VPS50: variants seen among roughly 807,000 people sequenced by gnomAD.
The protein encoded by VPS50 is VPS50 subunit of EARP/GARPII complex, also known as syndetin.
A neutral mutation model predicts 139.7 loss-of-function variants in VPS50; 70 were observed. That is an observed-to-expected ratio of 0.50 (90% CI 0.41 to 0.61). VPS50 has a LOEUF of 0.61. Among genes scored for constraint, VPS50 ranks in the 20% least tolerant of loss-of-function variants. The pLI is 0.00. For synonymous variants in VPS50, 365 were observed against 376.7 expected (o/e 0.97, Z 0.36); for missense variants, 921 against 1,133.7 (o/e 0.81, Z 2.69).
chr7:93,350,728 C>T lies in VPS50; in HGVS notation c.2463+695C>T, dbSNP rs920138248. The stretch of plus-strand genomic sequence containing the variant: ...TCATCTGAAGAGAGATAGAGAATGA[C>T]AGGATGTGAGTGGAAGAGGAAGACC... On this transcript the variant is annotated intron_variant, in intron 25 of 27. Transcript: ENST00000305866. 4.0e-5 allele frequency among the ~76,000 whole-genome samples: 6 copies of T among 151,880 alleles called. No individual in the cohort carries two copies. In the South Asian group the frequency reaches 1.0e-3, roughly 26 times the overall value.
chr7:93,262,816 C>T (rs1795725976), intron 9 of VPS50, among the ~76,000 whole-genome samples: 1 of 152,150 alleles, frequency 6.6e-6, no homozygotes, highest in Non-Finnish European at 1.5e-5. Flanking sequence ...ATTCACCTGC[C>T]TAACACCATT....
At chr7:93,234,012 A>C (rs1009991513) in intron 1 of VPS50, among the ~76,000 whole-genome samples, 3 of 152,236 alleles carry the variant, frequency 2.0e-5, no homozygotes, top group Admixed American at 1.3e-4. Flanking sequence ...CAGTAATTCA[A>C]GCAATAGATA....
chr7:93,270,172 C>G (rs1301914742), intron 9 of VPS50, among the ~76,000 whole-genome samples: 1 of 151,224 alleles, frequency 6.6e-6, no homozygotes, highest in African/African-American at 2.4e-5. Context: ...AATCTAGATT[C>G]AATCACGTGT....
chr7:93,311,290 T>TA lies in VPS50; in HGVS notation c.1855+26dup. 1.6e-5 allele frequency: 14 copies of TA among 896,368 alleles called. No individual in the cohort carries two copies. Among genetic ancestry groups the TA allele is most frequent in the South Asian group, 4.1e-5 (3 of 73,300 alleles). The allele number at this position is 896,368 out of a possible 1,614,324, so 55.5% of individuals were successfully genotyped here. On this transcript the variant is annotated intron_variant, in intron 20 of 27. Coordinates refer to ENST00000305866, the MANE Select transcript of VPS50 (RefSeq NM_017667.4). ...ACTTGTTGGTAAGTAGCTACACCTT[T>TA]AAAAAAAATTATAACAGTTAAATTA...
chr7:93,306,913 T>C (rs1393927120), intron 18 of VPS50, among the ~76,000 whole-genome samples: 2 of 151,924 alleles, frequency 1.3e-5, no homozygotes, highest in Non-Finnish European at 2.9e-5. Flanking sequence ...GTTTAAATTG[T>C]TTCATAGTAA....
intron 20 of VPS50, among the ~76,000 whole-genome samples, chr7:93,316,549 A>G (rs1797435040): frequency 1.3e-5 from 2 of 152,160 alleles, no homozygotes; most frequent in African/African-American, 4.8e-5. Context: ...GATTTTAGAA[A>G]TACAACAGAC....
At position 93,358,825 on chromosome 7, in the gene VPS50, G is replaced by A. The variant is rs922973430; in HGVS notation, c.*389G>A. On this transcript the variant is annotated 3_prime_UTR_variant, in exon 28 of 28. Transcript: ENST00000305866. ...ACCCTCTGAGCTTGGTTCTTAATAA[G>A]CATAATGTGAGGGTGAATATGTAGT... is the stretch of plus-strand genomic sequence containing the variant. 6.3e-6 allele frequency: 1 copy of A among 159,850 alleles called. No individual in the cohort carries two copies. The highest frequency in any genetic ancestry group is 2.4e-5 in the African/African-American group (1 of 41,594). 9.9% of individuals were successfully genotyped at this position (159,850 alleles called of 1,614,324 possible).
chr7:93,239,908 A>G lies in VPS50; in HGVS notation c.76A>G (p.Ile26Val), dbSNP rs754666660. 2 of 1,606,850 alleles carry G rather than the reference A, an allele frequency of 1.2e-6. No individual in the cohort carries two copies. The highest frequency in any genetic ancestry group is 1.7e-5 in the Admixed American group (1 of 59,936). Reference sequence around the variant, plus strand: ...AGAAAGCCTCAGTGATCTTGGTGCCATAGAGAGTCTCCGGGTCCCTGGAAA... The same window carrying G: ...AGAAAGCCTCAGTGATCTTGGTGCCGTAGAGAGTCTCCGGGTCCCTGGAAA... ...PQESLSDLGAIESLRVPGKEE... is the reference protein window; with the variant it reads ...PQESLSDLGAVESLRVPGKEE... Residue 26 changes from isoleucine (I) to valine (V), a missense_variant, in exon 2 of 28, where the codon ATA (isoleucine) becomes GTA (valine). Ile to Val is a conservative substitution (Grantham distance 29, BLOSUM62 3). Coordinates refer to ENST00000305866, the MANE Select transcript of VPS50 (RefSeq NM_017667.4).
intron 11 of VPS50, among the ~76,000 whole-genome samples, chr7:93,274,971 T>A (rs1189045971): frequency 6.6e-6 from 1 of 152,172 alleles, no homozygotes; most frequent in Admixed American, 6.5e-5. Context: ...GATTCCAACC[T>A]TCATGATGAC....
intron 21 of VPS50, among the ~76,000 whole-genome samples, chr7:93,332,031 A>C (rs527931562): frequency 6.6e-6 from 1 of 152,370 alleles, no homozygotes; most frequent in African/African-American, 2.4e-5. Context: ...CTTCTGTGCA[A>C]CCACTAGAAT....
At chr7:93,337,542 C>A (rs1354157392) in intron 22 of VPS50, among the ~76,000 whole-genome samples, 1 of 152,000 alleles carries the variant, frequency 6.6e-6, no homozygotes, top group Non-Finnish European at 1.5e-5. Flanking sequence ...GATATCTAAT[C>A]CAAAAGAATG....
At chr7:93,324,636 T>C (rs1333917366) in intron 21 of VPS50, among the ~76,000 whole-genome samples, 2 of 152,166 alleles carry the variant, frequency 1.3e-5, no homozygotes, top group Admixed American at 1.3e-4. Context: ...ACAAGCATTC[T>C]TATACACCAA....
At chr7:93,283,456 G>A (rs148427043) in intron 12 of VPS50, among the ~76,000 whole-genome samples, 171 of 152,050 alleles carry the variant, frequency 1.1e-3, no homozygotes, top group African/African-American at 4.0e-3. Flanking sequence ...GGCTGGTCTC[G>A]AAATCCTGAC....
intron 11 of VPS50, among the ~76,000 whole-genome samples, chr7:93,275,134 A>T (rs1796115558): frequency 6.6e-6 from 1 of 152,174 alleles, no homozygotes; most frequent in Admixed American, 6.6e-5. Context: ...CTTCTTATGG[A>T]TGAGCAAAGA....
chr7:93,236,933 A>ACTT (rs1794819862), intron 1 of VPS50, among the ~76,000 whole-genome samples: 1 of 51,110 alleles, frequency 2.0e-5, no homozygotes, highest in Non-Finnish European at 3.8e-5. Flanking sequence ...GACCTCTTTT[A>ACTT]CTTCTTTTTT....
chr7:93,328,237 TG>T (rs1797839267), intron 21 of VPS50, among the ~76,000 whole-genome samples: 1 of 152,344 alleles, frequency 6.6e-6, no homozygotes, highest in Admixed American at 6.5e-5. Flanking sequence ...CACATTTTTT[TG>T]TGAAGACCAT....
intron 21 of VPS50, among the ~76,000 whole-genome samples, chr7:93,324,510 T>A (rs1797711011): frequency 6.6e-6 from 1 of 152,232 alleles, no homozygotes; most frequent in South Asian, 2.1e-4. Context: ...GTTGTTGAAT[T>A]TTGTCAAAGG....
At chr7:93,246,203 TA>T in intron 2 of VPS50, 19 of 937,002 alleles carry the variant, frequency 2.0e-5, no homozygotes, top group Non-Finnish European at 2.9e-5. Flanking sequence ...ATGCAAACAG[TA>T]AAAAAAAGTC....
At chr7:93,297,643 A>G (rs1370483218) in intron 16 of VPS50, among the ~76,000 whole-genome samples, 1 of 152,166 alleles carries the variant, frequency 6.6e-6, no homozygotes, top group Admixed American at 6.6e-5. Context: ...TTTAAATGTA[A>G]GAAGGATTCT....
Sources: gnomAD v4.1 joint callset for allele counts (sites outside exome capture counted in the v4.1 genomes callset) on GRCh38, gnomAD v4.1.1 for gene constraint, MANE v1.5 for transcripts, NCBI Gene and HGNC (gene_info 2026-07-23, HGNC 2026-07-21) for gene names.